BMAL1: variants seen among roughly 807,000 people sequenced by gnomAD.
BMAL1 encodes basic helix-loop-helix ARNT-like protein 1.
chr11:13,354,349 A>T, the BMAL1 span: 8 of 1,613,678 alleles, frequency 5.0e-6, no homozygotes, highest in South Asian at 7.7e-5. Context: ...ACCATCAGTG[A>T]TTTCATGTCC....
At chr11:13,297,223 T>C in the BMAL1 span, among the ~76,000 whole-genome samples, 1 of 152,196 alleles carries the variant, frequency 6.6e-6, no homozygotes, top group Non-Finnish European at 1.5e-5. Context: ...CCCCTCAGCA[T>C]GGAGTCACCT....
the BMAL1 span, among the ~76,000 whole-genome samples, chr11:13,344,504 C>T: frequency 6.6e-6 from 1 of 152,208 alleles, no homozygotes; most frequent in Non-Finnish European, 1.5e-5. Context: ...ACATCTTGAA[C>T]GTAAGGACTG....
the BMAL1 span, among the ~76,000 whole-genome samples, chr11:13,382,885 C>T: frequency 6.6e-6 from 1 of 152,142 alleles, no homozygotes; most frequent in Non-Finnish European, 1.5e-5. Context: ...TCAACAACTA[C>T]CAGAAATCAA....
the BMAL1 span, among the ~76,000 whole-genome samples, chr11:13,288,073 G>T: frequency 6.6e-6 from 1 of 152,208 alleles, no homozygotes; most frequent in East Asian, 1.9e-4. Flanking sequence ...GGTGAGGACA[G>T]GTATTTCCAG....
At chr11:13,295,001 G>A in the BMAL1 span, among the ~76,000 whole-genome samples, 1 of 152,196 alleles carries the variant, frequency 6.6e-6, no homozygotes, top group African/African-American at 2.4e-5. Context: ...GGCCTGAGCA[G>A]TGCTCCTGGG....
At chr11:13,280,358 T>C in the BMAL1 span, among the ~76,000 whole-genome samples, 1 of 152,258 alleles carries the variant, frequency 6.6e-6, no homozygotes, top group Non-Finnish European at 1.5e-5. Flanking sequence ...GTGGAATTTA[T>C]ATGCTAAAAG....
chr11:13,372,328 T>C, the BMAL1 span: 11 of 1,613,916 alleles, frequency 6.8e-6, no homozygotes, highest in Non-Finnish European at 9.3e-6. Flanking sequence ...CCACAACCAG[T>C]GAACGGGGAA....
chr11:13,357,855 C>T, the BMAL1 span, among the ~76,000 whole-genome samples: 1 of 152,194 alleles, frequency 6.6e-6, no homozygotes, highest in Non-Finnish European at 1.5e-5. This position sits in a 1 kb window ranked among gnomAD's most constrained non-coding sequence, Gnocchi z 4.8. Context: ...AGGAGTGTGA[C>T]ATTCCTCAGA....
At chr11:13,330,197 C>G in the BMAL1 span, among the ~76,000 whole-genome samples, 1 of 152,186 alleles carries the variant, frequency 6.6e-6, no homozygotes, top group Non-Finnish European at 1.5e-5. Context: ...GCAGCTTAAT[C>G]AGGAAATGGC....
chr11:13,342,073 C>A, the BMAL1 span, among the ~76,000 whole-genome samples: 2 of 152,340 alleles, frequency 1.3e-5, no homozygotes, highest in Non-Finnish European at 2.9e-5. Flanking sequence ...TGGACCCTGC[C>A]TGGGGAGAGG....
At chr11:13,384,023 G>T in the BMAL1 span, among the ~76,000 whole-genome samples, 1 of 152,190 alleles carries the variant, frequency 6.6e-6, no homozygotes, top group Non-Finnish European at 1.5e-5. Context: ...AACTACTTGT[G>T]TGATTAAGTT....
the BMAL1 span, among the ~76,000 whole-genome samples, chr11:13,363,053 C>T: frequency 6.9e-6 from 1 of 144,678 alleles, no homozygotes; most frequent in East Asian, 2.0e-4. Flanking sequence ...GTTCTAGGAA[C>T]ATCCAAATCA....
chr11:13,292,757 C>G, the BMAL1 span, among the ~76,000 whole-genome samples: 1 of 151,924 alleles, frequency 6.6e-6, no homozygotes, highest in Non-Finnish European at 1.5e-5. Context: ...AGATAGTGGT[C>G]CAGGCCTAGT....
chr11:13,358,692 A>C, the BMAL1 span: 2 of 1,252,802 alleles, frequency 1.6e-6, no homozygotes, highest in East Asian at 5.4e-5. Context: ...TATTACTTGC[A>C]ATTATGTAGC....
the BMAL1 span, among the ~76,000 whole-genome samples, chr11:13,367,546 C>A: frequency 6.6e-6 from 1 of 151,822 alleles, no homozygotes; most frequent in Non-Finnish European, 1.5e-5. Flanking sequence ...ACTAATAATA[C>A]AAAAATTAGA....
the BMAL1 span, among the ~76,000 whole-genome samples, chr11:13,373,764 C>A: frequency 3.9e-5 from 6 of 152,340 alleles, no homozygotes; most frequent in African/African-American, 1.4e-4. Context: ...CCAACTCGGC[C>A]TCCCAAAGTG....
the BMAL1 span, among the ~76,000 whole-genome samples, chr11:13,364,495 A>C: frequency 6.6e-6 from 1 of 152,240 alleles, no homozygotes; most frequent in African/African-American, 2.4e-5. Context: ...CAAAGAGCAG[A>C]TTAAGGACCA....
chr11:13,295,334 G>GGA, the BMAL1 span, among the ~76,000 whole-genome samples: 119 of 151,592 alleles, frequency 7.9e-4, no homozygotes, highest in African/African-American at 2.8e-3. Context: ...TGTGGTAGAG[G>GGA]GAGAGAGAGA....
the BMAL1 span, among the ~76,000 whole-genome samples, chr11:13,368,379 G>C: frequency 1.3e-5 from 2 of 152,236 alleles, no homozygotes; most frequent in Non-Finnish European, 2.9e-5. Flanking sequence ...CTGTGCACAG[G>C]TGCAGGGGTG....
Sources: gnomAD v4.1 joint callset for allele counts (sites outside exome capture counted in the v4.1 genomes callset) on GRCh38, gnomAD v4.1.1 for gene constraint, Gnocchi (gnomAD v3.1) non-coding constraint, MANE v1.5 for transcripts, NCBI Gene and HGNC (gene_info 2026-07-23, HGNC 2026-07-21) for gene names.